DORIP1: variants seen among roughly 807,000 people sequenced by gnomAD.
DORIP1 encodes the protein dopamine receptor interacting protein 1.
chr14:44,904,340 T>C, the DORIP1 span: 1 of 1,562,252 alleles, frequency 6.4e-7, no homozygotes, highest in Non-Finnish European at 8.6e-7. Flanking sequence ...TCTGAAGTGT[T>C]GAAAGCCAGC....
the DORIP1 span, chr14:44,905,448 G>A: frequency 3.8e-6 from 6 of 1,574,188 alleles, no homozygotes; most frequent in East Asian, 2.2e-5. Context: ...GACATTGGAT[G>A]CACTATGATG....
the DORIP1 span, among the ~76,000 whole-genome samples, chr14:44,901,917 T>C: frequency 2.0e-5 from 3 of 152,150 alleles, no homozygotes; most frequent in Admixed American, 6.5e-5. Context: ...TAGTGGAGTG[T>C]TGGGAAACGT....
At chr14:44,905,138 T>C in the DORIP1 span, 1 of 349,442 alleles carries the variant, frequency 2.9e-6, no homozygotes, top group Non-Finnish European at 5.1e-6. Flanking sequence ...GTTTACTCTT[T>C]TTTAAAAGAA....
chr14:44,900,613 G>A, the DORIP1 span: 1 of 1,610,072 alleles, frequency 6.2e-7, no homozygotes. Flanking sequence ...CTGCACCATA[G>A]ATGGATTCTT....
chr14:44,899,559 T>C, the DORIP1 span, among the ~76,000 whole-genome samples: 1 of 151,332 alleles, frequency 6.6e-6, no homozygotes, highest in Non-Finnish European at 1.5e-5. Flanking sequence ...TCTTAGTCTA[T>C]ATAGCAACAG....
chr14:44,905,947 AT>A, the DORIP1 span: 1 of 151,478 alleles, frequency 6.6e-6, no homozygotes, highest in Non-Finnish European at 1.5e-5. Flanking sequence ...AGTTTATATA[AT>A]TTAACAGTTC....
the DORIP1 span, among the ~76,000 whole-genome samples, chr14:44,902,257 T>C: frequency 5.3e-4 from 80 of 152,274 alleles, no homozygotes; most frequent in East Asian, 0.012. Flanking sequence ...TCCTGCCTCA[T>C]GGCTCACTAC....
At chr14:44,902,047 G>C in the DORIP1 span, among the ~76,000 whole-genome samples, 12 of 152,294 alleles carry the variant, frequency 7.9e-5, no homozygotes, top group South Asian at 2.5e-3. Context: ...CAGCCTGATA[G>C]ATCGTTCCCA....
the DORIP1 span, chr14:44,897,403 GGCCAT>G: frequency 6.0e-6 from 1 of 166,448 alleles, no homozygotes; most frequent in Non-Finnish European, 1.3e-5. Flanking sequence ...CTGCCATGGA[GGCCAT>G]GCCAGAGCCC....
chr14:44,902,279 C>CGAG, the DORIP1 span, among the ~76,000 whole-genome samples: 1 of 152,146 alleles, frequency 6.6e-6, no homozygotes, highest in Non-Finnish European at 1.5e-5. Context: ...TCAGCCTCTC[C>CGAG]AGTAGCTGGG....
the DORIP1 span, chr14:44,900,376 T>C: frequency 1.5e-5 from 20 of 1,331,260 alleles, no homozygotes; most frequent in Admixed American, 2.7e-5. Context: ...AAACATATTA[T>C]GCATTTAATA....
At chr14:44,900,135 A>G in the DORIP1 span, among the ~76,000 whole-genome samples, 9 of 151,888 alleles carry the variant, frequency 5.9e-5, no homozygotes, top group South Asian at 6.2e-4. Context: ...CAGCCTCAGG[A>G]TTTTTTTTAT....
chr14:44,897,934 C>G, the DORIP1 span, among the ~76,000 whole-genome samples: 2 of 152,204 alleles, frequency 1.3e-5, no homozygotes, highest in African/African-American at 2.4e-5. Context: ...TTTAGAATCC[C>G]TGAGTCCTTA....
At chr14:44,903,305 A>G in the DORIP1 span, 6 of 1,603,080 alleles carry the variant, frequency 3.7e-6, no homozygotes, top group Non-Finnish European at 4.3e-6. Flanking sequence ...GGGTGAGTAT[A>G]CAATAGACAT....
At chr14:44,899,940 T>C in the DORIP1 span, among the ~76,000 whole-genome samples, 1 of 149,240 alleles carries the variant, frequency 6.7e-6, no homozygotes, top group African/African-American at 2.5e-5. Context: ...CAAGCGATTC[T>C]CCTGCCTCAG....
chr14:44,903,339 T>C, the DORIP1 span: 1 of 1,565,116 alleles, frequency 6.4e-7, no homozygotes, highest in Non-Finnish European at 8.8e-7. Context: ...ATGTATGTGT[T>C]TATAAGGAAA....
chr14:44,906,107 G>T, the DORIP1 span: 9 of 150,722 alleles, frequency 6.0e-5, no homozygotes, highest in Non-Finnish European at 1.2e-4. Context: ...TTTTTAAAAT[G>T]TCTGAGAAAT....
the DORIP1 span, chr14:44,900,721 A>G: frequency 1.2e-6 from 2 of 1,613,978 alleles, no homozygotes; most frequent in South Asian, 2.2e-5. Flanking sequence ...TCTTTACTTA[A>G]TGGACACCTA....
chr14:44,905,783 G>A, the DORIP1 span: 2 of 279,604 alleles, frequency 7.2e-6, no homozygotes, highest in Non-Finnish European at 1.3e-5. Flanking sequence ...TTTTATGTTG[G>A]AATAAAATAT....
Sources: gnomAD v4.1 joint callset for allele counts (sites outside exome capture counted in the v4.1 genomes callset) on GRCh38, gnomAD v4.1.1 for gene constraint, MANE v1.5 for transcripts, NCBI Gene and HGNC (gene_info 2026-07-23, HGNC 2026-07-21) for gene names.